DCP2: variants seen among roughly 807,000 people sequenced by gnomAD.
DCP2 encodes the protein decapping mRNA 2, also known as m7GpppN-mRNA hydrolase.
In DCP2, 30 loss-of-function variants were observed where a neutral mutation model predicts 56.1. That is an observed-to-expected ratio of 0.53 (90% confidence interval 0.40 to 0.73). The LOEUF is 0.73. Ranked by LOEUF, DCP2 falls within the 30% of genes least tolerant of loss-of-function variation. The pLI is 0.00. For missense variants in DCP2, 533 were observed against 502.7 expected (o/e 1.06, Z -0.58); for synonymous variants, 197 against 163.3 (o/e 1.21, Z -1.57).
chr5:113,005,330 T>C (rs1485699772), intron 8 of DCP2, among the ~76,000 whole-genome samples: 1 of 152,112 alleles, frequency 6.6e-6, no homozygotes. Flanking sequence ...AACACAACAA[T>C]CTAATTTAAA....
At chr5:112,983,515 A>C (rs906593367) in intron 1 of DCP2, among the ~76,000 whole-genome samples, 2 of 152,220 alleles carry the variant, frequency 1.3e-5, no homozygotes, top group Non-Finnish European at 2.9e-5. Flanking sequence ...ATGCCTGGCA[A>C]GGCAGTATAG....
rs71224870 is a variant in DCP2, at chr5:112,988,318, TA to T, written c.205+2347del. Reference sequence around the variant, plus strand: ...CAACACAGTAAAACCCCGTCTCTACTAAAAAAAAAAAAAAATACAAAAAATT... The same window carrying T: ...CAACACAGTAAAACCCCGTCTCTACTAAAAAAAAAAAAAATACAAAAAATT... On this transcript the variant is annotated intron_variant, in intron 2 of 10. Transcript: ENST00000389063. 4.4e-3 allele frequency among the ~76,000 whole-genome samples: 607 copies of T among 136,654 alleles called. 1 individual carries two copies. The highest frequency in any genetic ancestry group is 5.1e-3 in the Non-Finnish European group (326 of 63,802). 89.7% of individuals were successfully genotyped at this position (136,654 alleles called of 152,430 possible).
chr5:113,007,482 C>T (rs1256679815), intron 8 of DCP2, among the ~76,000 whole-genome samples: 3 of 151,710 alleles, frequency 2.0e-5, no homozygotes, highest in Non-Finnish European at 4.4e-5. Context: ...CTGACTGCAA[C>T]CTCCACCTCC....
chr5:112,979,861 C>T (rs552109003), intron 1 of DCP2, among the ~76,000 whole-genome samples: 1 of 152,134 alleles, frequency 6.6e-6, no homozygotes, highest in South Asian at 2.1e-4. Context: ...CTTATTTAGT[C>T]CCTTGGTGCC....
chr5:112,985,712 T>G, intron 1 of DCP2, 123 bp from the exon 2 acceptor site: 1 of 1,068,306 alleles, frequency 9.4e-7, no homozygotes, highest in African/African-American at 1.6e-5. Flanking sequence ...ATTGCTTCCT[T>G]GAACAGTACT....
chr5:112,984,440 A>G (rs1355503010), intron 1 of DCP2: 1 of 151,890 alleles, frequency 6.6e-6, no homozygotes, highest in Non-Finnish European at 1.5e-5. Context: ...AACCATACCC[A>G]ACTATATTGA....
chr5:113,002,019 A>G (rs566738109), intron 7 of DCP2, among the ~76,000 whole-genome samples: 10 of 152,290 alleles, frequency 6.6e-5, no homozygotes, highest in Non-Finnish European at 1.5e-4. Flanking sequence ...TGAGTTTCTA[A>G]AGACGTTTGG....
chr5:113,008,218 T>G (rs1215227237), intron 9 of DCP2, 176 bp downstream of exon 9: 5 of 512,660 alleles, frequency 9.8e-6, no homozygotes, highest in Non-Finnish European at 1.8e-5. Context: ...TGGCTGCTCT[T>G]AATTACAAAT....
At chr5:113,004,118 C>G in intron 8 of DCP2, 41 bp downstream of exon 8, 1 of 1,589,906 alleles carries the variant, frequency 6.3e-7, no homozygotes, top group Non-Finnish European at 8.5e-7. Context: ...AAATTTAGAT[C>G]ATTTGGCTTT....
In DCP2 at chr5:113,010,776, TC is replaced by T; in HGVS notation, c.1070del (p.Pro357HisfsTer25). The T allele has an allele frequency of 6.3e-7, 1 of 1,595,152 alleles. No individual in the cohort carries two copies. Among genetic ancestry groups the T allele is most frequent in the South Asian group, 1.1e-5 (1 of 87,508 alleles). On this transcript the variant is annotated frameshift_variant, in exon 10 of 11. Coordinates refer to ENST00000389063, the MANE Select transcript of DCP2 (RefSeq NM_152624.6). LOFTEE classifies it high-confidence loss of function. ...SLMKCEKKLH[P>X]RKLQDNFETD... ...AATAGAAGTGTGAAAAGAAACTTCA[TC>T]CACGGAAACTTCAGGATAATTTTGA...
chr5:112,984,703 A>AAAAATATATATATATATATATATAT, intron 1 of DCP2: 14 of 64,850 alleles, frequency 2.2e-4, no homozygotes, highest in Middle Eastern at 8.8e-3. Context: ...AAAAAAAAAA[A>AAAAATATATATATATATATATATAT]ATATATATAT....
intron 8 of DCP2, among the ~76,000 whole-genome samples, chr5:113,005,689 G>C (rs1448418614): frequency 6.6e-6 from 1 of 152,176 alleles, no homozygotes; most frequent in Non-Finnish European, 1.5e-5. Flanking sequence ...AACTTAAACA[G>C]ATAACTTGTG....
intron 4 of DCP2, among the ~76,000 whole-genome samples, chr5:112,994,447 C>T (rs1748756225): frequency 1.3e-5 from 2 of 152,100 alleles, no homozygotes; most frequent in South Asian, 4.1e-4. Flanking sequence ...GCTGGGATTA[C>T]AGGCGTGAGC....
intron 4 of DCP2, among the ~76,000 whole-genome samples, chr5:112,997,340 A>C (rs1043818117): frequency 3.9e-5 from 6 of 152,254 alleles, no homozygotes; most frequent in Non-Finnish European, 1.5e-5. Flanking sequence ...GTGAAACATC[A>C]ACTTTCTTGA....
rs116262829 is a variant in DCP2, at chr5:113,021,900, A to G, written c.*8416A>G. ...AATAGATAACTTCCTATTTATGCCA[A>G]ATTTTAAAAAGCCAACTAAAAATGG... On this transcript the variant is annotated 3_prime_UTR_variant, in exon 11 of 11. Coordinates refer to ENST00000389063, the MANE Select transcript of DCP2 (RefSeq NM_152624.6). Among the ~76,000 whole-genome samples, 60 of 152,328 alleles carry G rather than the reference A, an allele frequency of 3.9e-4. No individual in the cohort carries two copies. Among genetic ancestry groups the G allele is most frequent in the African/African-American group, 1.4e-3 (60 of 41,586 alleles).
In DCP2 at chr5:112,999,626, C is replaced by CTT. The variant is rs760922948; in HGVS notation, c.433-1442_433-1441dup. Among the ~76,000 whole-genome samples, 1,026 of 138,024 alleles carry CTT rather than the reference C, an allele frequency of 7.4e-3. 11 individuals are homozygous for CTT. The highest frequency in any genetic ancestry group is 0.026 in the African/African-American group (982 of 37,738). The allele number at this position is 138,024 out of a possible 152,430, so 90.5% of individuals were successfully genotyped here. On this transcript the variant is annotated intron_variant, in intron 4 of 10. Transcript: ENST00000389063. ...ACAGGCGTGAGCCATCGCACCCAGC[C>CTT]TTTTTTTTTTTTTTTTTAAAGACAG...
chr5:113,000,909 G>T (rs928067034), intron 4 of DCP2, among the ~76,000 whole-genome samples, 175 bp from the exon 5 acceptor site: 1 of 152,026 alleles, frequency 6.6e-6, no homozygotes, highest in Non-Finnish European at 1.5e-5. Context: ...GAAACAATAG[G>T]GCACAAGAAC....
At chr5:113,006,280 C>G (rs1352673633) in intron 8 of DCP2, among the ~76,000 whole-genome samples, 1 of 152,024 alleles carries the variant, frequency 6.6e-6, no homozygotes, top group Non-Finnish European at 1.5e-5. Flanking sequence ...GTAGAGATTA[C>G]CAAGGCTAGA....
At position 112,987,468 on chromosome 5, in the gene DCP2, A is replaced by C. The variant is rs542484701; in HGVS notation, c.205+1482A>C. Reference sequence around the variant, plus strand: ...TTTTTATTCCCCCCGCCCGCCCGACAAACCGAGACAGCCTCACTTTGTTGA... The same window carrying C: ...TTTTTATTCCCCCCGCCCGCCCGACCAACCGAGACAGCCTCACTTTGTTGA... On this transcript the variant is annotated intron_variant, in intron 2 of 10. Coordinates refer to ENST00000389063, the MANE Select transcript of DCP2 (RefSeq NM_152624.6). Among the ~76,000 whole-genome samples the C allele has an allele frequency of 3.9e-5, 6 of 151,970 alleles. No homozygotes were observed. The South Asian group carries it at 1.3e-3, about 32-fold the overall frequency.
Sources: allele counts gnomAD v4.1 joint callset (sites outside exome capture counted in the v4.1 genomes callset), GRCh38; gene constraint gnomAD v4.1.1; transcripts MANE v1.5; gene names NCBI Gene and HGNC (gene_info 2026-07-23, HGNC 2026-07-21).